PPP1R9B: variants seen among roughly 807,000 people sequenced by gnomAD.
PPP1R9B encodes protein phosphatase 1 regulatory subunit 9B.
PPP1R9B carries 17 observed loss-of-function variants against 75.8 expected under a neutral mutation model. The observed-to-expected ratio is 0.22, with a 90% CI of 0.15 to 0.34. PPP1R9B has a LOEUF of 0.34. PPP1R9B is among the 10% of genes least tolerant of loss of function. PPP1R9B has a pLI of 1.00. For missense variants in PPP1R9B, 875 were observed against 1,196.0 expected, an observed-to-expected ratio of 0.73 and a Z score of 3.96; for synonymous variants, 509 against 535.4, an observed-to-expected ratio of 0.95 and a Z score of 0.68.
In PPP1R9B at chr17:50,145,188, T is replaced by C. The variant is rs1294375811; in HGVS notation, c.1429A>G (p.Met477Val). The change falls in exon 2 of 10, where the codon ATG (methionine) becomes GTG (valine). Residue 477 changes from methionine to valine, a missense_variant. Transcript: ENST00000612501. ...YDRRNEDVDP[M>V]AASAEYELEK... ...AGCTCGTACTCAGCAGAGGCTGCCATGGGATCCACATCCTCGTTGCGACGA... is the reference window on the plus strand; with the variant it reads ...AGCTCGTACTCAGCAGAGGCTGCCACGGGATCCACATCCTCGTTGCGACGA... The C allele has an allele frequency of 1.9e-6, 3 of 1,614,024 alleles. No individual in the cohort carries two copies. The South Asian group carries it at 3.3e-5, about 18-fold the overall frequency.
rs1272088883 is a variant in PPP1R9B, at chr17:50,142,122, G to C, written c.1626-749C>G. ...TGTCCCACACACACCTGATACAGGTGCACCTGCCGACACACTCCAGTTGTG... is the reference window on the plus strand; with the variant it reads ...TGTCCCACACACACCTGATACAGGTCCACCTGCCGACACACTCCAGTTGTG... On this transcript the variant is annotated intron_variant, in intron 3 of 9. Coordinates refer to ENST00000612501, the MANE Select transcript of PPP1R9B (RefSeq NM_032595.5). The surrounding 1 kb of genome is among the most constrained non-coding windows in gnomAD (Gnocchi z 4.1). Among the ~76,000 whole-genome samples, 1 of 152,138 alleles carries C rather than the reference G, an allele frequency of 6.6e-6. No homozygotes were observed. Among genetic ancestry groups the C allele is most frequent in the African/African-American group, 2.4e-5 (1 of 41,426 alleles).
Position 50,135,009 on chromosome 17 carries a change from A to G in PPP1R9B, c.*322T>C, listed in dbSNP as rs1160990926. The G allele has an allele frequency of 2.5e-6, 1 of 394,344 alleles. No homozygotes were observed. Among genetic ancestry groups the G allele is most frequent in the Non-Finnish European group, 4.7e-6 (1 of 211,288 alleles). 24.4% of individuals were successfully genotyped at this position (394,344 alleles called of 1,614,324 possible). On this transcript the variant is annotated 3_prime_UTR_variant, in exon 10 of 10. Coordinates refer to ENST00000612501, the MANE Select transcript of PPP1R9B (RefSeq NM_032595.5). ...TCCAGAGACAAAAGCTGGAGTGTGTAAAGTCTGGCAGTTTGATCTGCAGGT... is the reference window on the plus strand; with the variant it reads ...TCCAGAGACAAAAGCTGGAGTGTGTGAAGTCTGGCAGTTTGATCTGCAGGT...
Position 50,149,452 on chromosome 17 carries a change from C to A in PPP1R9B, c.1062G>T (p.Lys354Asn), listed in dbSNP as rs776487604. The A allele has an allele frequency of 3.1e-6, 5 of 1,606,744 alleles. No individual in the cohort carries two copies. In the African/African-American group the frequency reaches 6.7e-5, roughly 22 times the overall value. Reference protein sequence around the residue: ...EEPKAQAAPEKEAAAVAPPER... With the variant: ...EEPKAQAAPENEAAAVAPPER... ...CTGGCGGCGCTACCGCCGCCGCCTCCTTCTCCGGGGCCGCTTGGGCCTTTG... is the reference window on the plus strand; with the variant it reads ...CTGGCGGCGCTACCGCCGCCGCCTCATTCTCCGGGGCCGCTTGGGCCTTTG... Residue 354 changes from lysine to asparagine, a missense_variant, in exon 1 of 10, where the codon AAG becomes AAT. Transcript: ENST00000612501. The surrounding 1 kb of genome is among the most constrained non-coding windows in gnomAD (Gnocchi z 7.2).
rs1376402961 is a variant in PPP1R9B, at chr17:50,134,683, T to C, written c.*648A>G. ...CCTTTTTCCCACTCTCACTCCCCCT[T>C]TTCCCGAAGGACACATGAGAAATCA... On this transcript the variant is annotated 3_prime_UTR_variant, in exon 10 of 10. Coordinates refer to ENST00000612501, the MANE Select transcript of PPP1R9B (RefSeq NM_032595.5). The C allele has an allele frequency of 2.0e-5, 3 of 153,032 alleles. No individual in the cohort carries two copies. The highest frequency in any genetic ancestry group is 7.2e-5 in the African/African-American group (3 of 41,460). 9.5% of individuals were successfully genotyped at this position (153,032 alleles called of 1,614,324 possible).
chr17:50,138,967 A>G (rs186360923), intron 7 of PPP1R9B, among the ~76,000 whole-genome samples: 390 of 152,336 alleles, frequency 2.6e-3, no homozygotes, highest in Non-Finnish European at 4.6e-3. Context: ...ATTGTGCTAA[A>G]GACTTGACGT....
At position 50,149,478 on chromosome 17, in the gene PPP1R9B, G is replaced by A. The variant is rs758512688; in HGVS notation, c.1036C>T (p.Pro346Ser). ...TTCTCCGGGGCCGCTTGGGCCTTTG[G>A]CTCCTCGGGCGCGGGGCTGGCTGCA... Reference protein sequence around the residue: ...ATAASPAPEEPKAQAAPEKEA... With the variant: ...ATAASPAPEESKAQAAPEKEA... The change falls in exon 1 of 10, where the codon CCA becomes TCA. Residue 346 changes from proline to serine, a missense_variant. By Grantham distance (74) the Pro-to-Ser change is moderately conservative. Coordinates refer to ENST00000612501, the MANE Select transcript of PPP1R9B (RefSeq NM_032595.5). The surrounding 1 kb of genome is among the most constrained non-coding windows in gnomAD (Gnocchi z 7.2). 1.2e-6 allele frequency: 2 copies of A among 1,601,708 alleles called. No individual in the cohort carries two copies. Among genetic ancestry groups the A allele is most frequent in the African/African-American group, 1.3e-5 (1 of 74,550 alleles).
In PPP1R9B at chr17:50,139,948, G is replaced by A; in HGVS notation, c.1866+145C>T. On this transcript the variant is annotated intron_variant, in intron 5 of 9. Coordinates refer to ENST00000612501, the MANE Select transcript of PPP1R9B (RefSeq NM_032595.5). This position sits in a 1 kb window ranked among gnomAD's most constrained non-coding sequence, Gnocchi z 5.0. ...ACTGTGTATTCCTTGTCCGGCCTCTGAAGACAAAGAGTGTGACTGGAGGAC... is the reference window on the plus strand; with the variant it reads ...ACTGTGTATTCCTTGTCCGGCCTCTAAAGACAAAGAGTGTGACTGGAGGAC... 3.2e-6 allele frequency: 3 copies of A among 925,640 alleles called. No individual in the cohort carries two copies. The South Asian group carries it at 5.2e-5, about 16-fold the overall frequency. 57.3% of individuals were successfully genotyped at this position (925,640 alleles called of 1,614,324 possible). A position where few individuals can be genotyped will look rare whatever the true frequency, so the allele number is the denominator to read the frequency against.
At position 50,134,831 on chromosome 17, in the gene PPP1R9B, G is replaced by A. The variant is rs1912172646; in HGVS notation, c.*500C>T. On this transcript the variant is annotated 3_prime_UTR_variant, in exon 10 of 10. Coordinates refer to ENST00000612501, the MANE Select transcript of PPP1R9B (RefSeq NM_032595.5). ...CCCCACCCCCCAGGCGGGAGGGTCA[G>A]AATGCAACAGAGACGGCACAATGAT... The A allele has an allele frequency of 6.0e-6, 1 of 167,620 alleles. No homozygotes were observed. Among genetic ancestry groups the A allele is most frequent in the South Asian group, 1.6e-4 (1 of 6,428 alleles). 10.4% of individuals were successfully genotyped at this position (167,620 alleles called of 1,614,324 possible).
rs779646212 is a variant in PPP1R9B, at chr17:50,139,334, A to T, written c.2020-18T>A. ...ATCTGGAGCTGTTGGGCAGAGGGGC[A>T]GGCACTCAGCTCCAGCAGGGTGGGG... On this transcript the variant is annotated intron_variant, in intron 6 of 9. Coordinates refer to ENST00000612501, the MANE Select transcript of PPP1R9B (RefSeq NM_032595.5). The surrounding 1 kb of genome is among the most constrained non-coding windows in gnomAD (Gnocchi z 5.0). The T allele has an allele frequency of 1.9e-5, 30 of 1,613,984 alleles. 1 individual carries two copies. The South Asian group carries it at 3.3e-4, about 18-fold the overall frequency.
At chr17:50,145,621 G>A (rs564712233) in intron 1 of PPP1R9B, among the ~76,000 whole-genome samples, 6 of 152,248 alleles carry the variant, frequency 3.9e-5, no homozygotes, top group Non-Finnish European at 7.4e-5. Flanking sequence ...CCAGACAGGC[G>A]AGAGGGGACA....
intron 1 of PPP1R9B, chr17:50,145,926 A>C (rs1396872857): frequency 6.5e-6 from 1 of 153,594 alleles, no homozygotes; most frequent in Non-Finnish European, 1.4e-5. Flanking sequence ...GGGTGGCAGA[A>C]GCAGGGGAAA....
At chr17:50,140,897 T>G (rs1598246618) in intron 4 of PPP1R9B, among the ~76,000 whole-genome samples, 2 of 150,424 alleles carry the variant, frequency 1.3e-5, no homozygotes, top group Admixed American at 6.6e-5. Context: ...CTGGTCGGGG[T>G]GGGGGGCATG....
At chr17:50,136,420 C>CT in intron 7 of PPP1R9B, among the ~76,000 whole-genome samples, 1 of 152,278 alleles carries the variant, frequency 6.6e-6, no homozygotes, top group South Asian at 2.1e-4. Flanking sequence ...TGTCACTGCA[C>CT]CCCACTCGCA....
Position 50,142,085 on chromosome 17 carries a change from G to A in PPP1R9B, c.1626-712C>T, listed in dbSNP as rs1912399111. On this transcript the variant is annotated intron_variant, in intron 3 of 9. Coordinates refer to ENST00000612501, the MANE Select transcript of PPP1R9B (RefSeq NM_032595.5). This position sits in a 1 kb window ranked among gnomAD's most constrained non-coding sequence, Gnocchi z 4.1. The stretch of plus-strand genomic sequence containing the variant: ...CCCCAAGACCGAATGGCACTCTCTC[G>A]AGTTCACACACTGTCCCACACACAC... 6.6e-6 allele frequency among the ~76,000 whole-genome samples: 1 copy of A among 152,136 alleles called. No homozygotes were observed. Among genetic ancestry groups the A allele is most frequent in the Non-Finnish European group, 1.5e-5 (1 of 68,034 alleles).
chr17:50,140,316 A>AG (rs1912341679), intron 4 of PPP1R9B, 88 bp from the exon 5 acceptor site: 1 of 1,480,490 alleles, frequency 6.8e-7, no homozygotes, highest in African/African-American at 1.4e-5. Context: ...CTCCAAACTC[A>AG]GGCCCTCCCA....
At chr17:50,138,492 AGT>A (rs996885278) in intron 7 of PPP1R9B, among the ~76,000 whole-genome samples, 1 of 147,416 alleles carries the variant, frequency 6.8e-6, no homozygotes, top group African/African-American at 2.5e-5. Flanking sequence ...CTGCTGTGTC[AGT>A]GTGTGTACTT....
chr17:50,149,629 C>T lies in PPP1R9B; in HGVS notation c.885G>A (p.Val295=). 6.5e-7 allele frequency: 1 copy of T among 1,535,646 alleles called. No individual in the cohort carries two copies. The highest frequency in any genetic ancestry group is 1.7e-4 in the Middle Eastern group (1 of 5,948). ...PARPPPKPRE[V]RKIKPVEVEE... ...CCACCTCCACCGGCTTAATCTTGCG[C>T]ACCTCCCGGGGCTTGGGGGGCGGCC... Residue 295 remains valine (V), a synonymous_variant, in exon 1 of 10, where the codon GTG becomes GTA. Transcript: ENST00000612501. This position sits in a 1 kb window ranked among gnomAD's most constrained non-coding sequence, Gnocchi z 7.2.
intron 8 of PPP1R9B, 81 bp downstream of exon 8, chr17:50,135,887 G>T: frequency 8.6e-7 from 1 of 1,158,810 alleles, no homozygotes; most frequent in Non-Finnish European, 1.2e-6. Context: ...TCCCTACTCA[G>T]CTGGAGGGAT....
chr17:50,147,387 G>A (rs1912542921), intron 1 of PPP1R9B, among the ~76,000 whole-genome samples: 1 of 152,180 alleles, frequency 6.6e-6, no homozygotes, highest in Admixed American at 6.5e-5. Flanking sequence ...GCAGGGGCAG[G>A]AAGAAGAAAA....
Sources: gnomAD v4.1 joint callset for allele counts (sites outside exome capture counted in the v4.1 genomes callset) on GRCh38, gnomAD v4.1.1 for gene constraint, Gnocchi (gnomAD v3.1) non-coding constraint, MANE v1.5 for transcripts, NCBI Gene and HGNC (gene_info 2026-07-23, HGNC 2026-07-21) for gene names.